Variants in IGSF9B observed in about 807,000 individuals in gnomAD.
IGSF9B encodes the protein immunoglobulin superfamily member 9B, also known as protein turtle homolog B.
IGSF9B carries 48 observed loss-of-function variants against 143.7 expected under a neutral mutation model. That is an observed-to-expected ratio of 0.33 (90% CI 0.26 to 0.42). The LOEUF (loss-of-function observed/expected upper bound fraction) is 0.42, where lower values mean the gene tolerates loss of function less well. Ranked by LOEUF, IGSF9B falls within the 20% of genes least tolerant of loss-of-function variation. IGSF9B has a pLI of 1.00. For synonymous variants in IGSF9B, 903 were observed against 833.1 expected, an observed-to-expected ratio of 1.08 and a Z score of -1.44; for missense variants, 1,706 against 1,980.0, an observed-to-expected ratio of 0.86 and a Z score of 2.63.
At position 133,919,075 on chromosome 11, in the gene IGSF9B, C is replaced by T. The variant is rs537591777; in HGVS notation, c.3983+667G>A. On this transcript the variant is annotated intron_variant, in intron 18 of 19. Coordinates refer to ENST00000533871, the MANE Select transcript of IGSF9B (RefSeq NM_001277285.4). ...AGAGTGCTCTCTCAGGCGGGCTGGT[C>T]GCGGGAGCTGGTCTGTCTCTCTGCA... 5 of 441,552 alleles carry T rather than the reference C, an allele frequency of 1.1e-5. No individual in the cohort carries two copies. The East Asian group carries it at 2.2e-4, about 19-fold the overall frequency. 27.4% of individuals were successfully genotyped at this position (441,552 alleles called of 1,614,324 possible).
intron 7 of IGSF9B, among the ~76,000 whole-genome samples, chr11:133,932,982 T>A (rs1167191911): frequency 1.0e-5 from 1 of 99,174 alleles, no homozygotes; most frequent in African/African-American, 4.0e-5. Flanking sequence ...GGAAGCCAGG[T>A]GGGAGAGCAG....
At chr11:133,918,957 G>A (rs1939449629) in intron 18 of IGSF9B, 3 of 467,912 alleles carry the variant, frequency 6.4e-6, no homozygotes, top group African/African-American at 2.0e-5. Context: ...GGGGGAGGAG[G>A]AGCGGGGACG....
rs545987304 is a variant in IGSF9B at position 133,937,622 on chromosome 11, C to G, written c.562-129G>C. On this transcript the variant is annotated intron_variant, in intron 4 of 19. Transcript: ENST00000533871. ...CAGGGACAGATGCATCTGGGGGACA[C>G]GAAGGGCAGGTGCCCCCTTGCCCAT... is the stretch of plus-strand genomic sequence containing the variant. 27 of 994,154 alleles carry G rather than the reference C, an allele frequency of 2.7e-5. 1 individual carries two copies. Among genetic ancestry groups the G allele is most frequent in the Non-Finnish European group, 3.0e-6 (2 of 671,052 alleles). The allele number at this position is 994,154 out of a possible 1,614,324, so 61.6% of individuals were successfully genotyped here. A position where few individuals can be genotyped will look rare whatever the true frequency, so the allele number is the denominator to read the frequency against.
intron 1 of IGSF9B, among the ~76,000 whole-genome samples, chr11:133,955,166 G>C (rs964271512): frequency 6.6e-6 from 1 of 152,074 alleles, no homozygotes; most frequent in Non-Finnish European, 1.5e-5. Flanking sequence ...ATTGGAAGAC[G>C]GCAAGGAAAT....
At chr11:133,917,694 C>A (rs2121281254) in intron 18 of IGSF9B, among the ~76,000 whole-genome samples, 1 of 152,232 alleles carries the variant, frequency 6.6e-6, no homozygotes, top group African/African-American at 2.4e-5. Context: ...ACCCCACTGT[C>A]AAGGAAGAAG....
rs751175353 is a variant in IGSF9B, at chr11:133,938,074, CAAAG to C, written c.410-117_410-114del. On this transcript the variant is annotated intron_variant, in intron 3 of 19. Transcript: ENST00000533871. ...GCTGCGGCTCTGCGGAATGCAAGGACAAAGGAAGGAAGGTGGGGATGGGAAAAAC... is the reference window on the plus strand; with the variant it reads ...GCTGCGGCTCTGCGGAATGCAAGGACGAAGGAAGGTGGGGATGGGAAAAAC... 2.5e-4 allele frequency: 306 copies of C among 1,213,046 alleles called. 1 individual carries two copies. The highest frequency in any genetic ancestry group is 3.4e-4 in the Non-Finnish European group (293 of 869,348). The allele number at this position is 1,213,046 out of a possible 1,614,324, so 75.1% of individuals were successfully genotyped here.
rs1253013756 is a variant in IGSF9B at position 133,940,218 on chromosome 11, A to C, written c.410-2257T>G. Among the ~76,000 whole-genome samples the C allele has an allele frequency of 1.9e-4, 24 of 128,758 alleles. No homozygotes were observed. The Admixed American group carries it at 2.0e-3, about 11-fold the overall frequency. The allele number at this position is 128,758 out of a possible 152,430, so 84.5% of individuals were successfully genotyped here. Reference sequence around the variant, plus strand: ...AAACACACACCTCGCACATCCTCGCACGCGTCATCGCACGCAAAAACACAC... The same window carrying C: ...AAACACACACCTCGCACATCCTCGCCCGCGTCATCGCACGCAAAAACACAC... On this transcript the variant is annotated intron_variant, in intron 3 of 19. Coordinates refer to ENST00000533871, the MANE Select transcript of IGSF9B (RefSeq NM_001277285.4).
At chr11:133,932,375 C>CGGGG (rs1565436967) in intron 7 of IGSF9B, among the ~76,000 whole-genome samples, 162 bp from the exon 8 acceptor site, 2 of 128,974 alleles carry the variant, frequency 1.6e-5, no homozygotes, top group Admixed American at 1.6e-4. Context: ...CAGACAGACA[C>CGGGG]GGGGACAGAC....
Position 133,911,936 on chromosome 11 carries a change from T to C in IGSF9B, c.4055A>G (p.Lys1352Arg), listed in dbSNP as rs1037802440. The change falls in exon 19 of 20, where the codon AAG (lysine) becomes AGG (arginine). Residue 1352 changes from lysine to arginine, a missense_variant. Physicochemically the swap from Lys to Arg is conservative, Grantham distance 26. Transcript: ENST00000533871. ...RLEALKYQRI[K>R]KPKKSSKGSS... is the part of the protein sequence containing the mutation. ...GCCCTTGGATGACTTTTTGGGCTTC[T>C]TTATCCGTTGGTATTTCAGAGCCTC... 11 of 1,535,020 alleles carry C rather than the reference T, an allele frequency of 7.2e-6. No homozygotes were observed. In the African/African-American group the frequency reaches 8.2e-5, roughly 11 times the overall value.
Position 133,908,130 on chromosome 11 carries a change from C to T in IGSF9B, c.*939G>A, listed in dbSNP as rs148293321. On this transcript the variant is annotated 3_prime_UTR_variant, in exon 20 of 20. Transcript: ENST00000533871. Reference sequence around the variant, plus strand: ...CCACAGAGCTCACGGCCTGGCTGGGCGGAAGGGCGCCGACGGATGCGCTGG... The same window carrying T: ...CCACAGAGCTCACGGCCTGGCTGGGTGGAAGGGCGCCGACGGATGCGCTGG... 3.9e-3 allele frequency among the ~76,000 whole-genome samples: 599 copies of T among 152,266 alleles called. 6 individuals carry two copies. The highest frequency in any genetic ancestry group is 5.2e-3 in the Non-Finnish European group (352 of 68,010).
chr11:133,955,181 G>A (rs1354782984), intron 1 of IGSF9B, among the ~76,000 whole-genome samples: 4 of 152,144 alleles, frequency 2.6e-5, no homozygotes, highest in Admixed American at 6.5e-5. Context: ...GGAAATGGGG[G>A]AGAGGATGAG....
chr11:133,907,931 G>A lies in IGSF9B; in HGVS notation c.*1138C>T, dbSNP rs930741160. Among the ~76,000 whole-genome samples, 110 of 152,338 alleles carry A rather than the reference G, an allele frequency of 7.2e-4. No individual in the cohort carries two copies. Among genetic ancestry groups the A allele is most frequent in the African/African-American group, 2.6e-3 (107 of 41,570 alleles). On this transcript the variant is annotated 3_prime_UTR_variant, in exon 20 of 20. Coordinates refer to ENST00000533871, the MANE Select transcript of IGSF9B (RefSeq NM_001277285.4). Reference sequence around the variant, plus strand: ...TGGTGAGTGCGGGAAAGCCACAGGCGGCTCCGCACAAGTGGTAATTAATCA... The same window carrying A: ...TGGTGAGTGCGGGAAAGCCACAGGCAGCTCCGCACAAGTGGTAATTAATCA...
intron 2 of IGSF9B, 36 bp from the exon 3 acceptor site, chr11:133,944,402 A>G (rs941631211): frequency 1.2e-6 from 2 of 1,609,594 alleles, no homozygotes; most frequent in East Asian, 2.2e-5. Flanking sequence ...CCCACAGGCC[A>G]TCAGGTAAGG....
At position 133,948,835 on chromosome 11, in the gene IGSF9B, G is replaced by T. The variant is rs1479913222; in HGVS notation, c.65-2577C>A. Reference sequence around the variant, plus strand: ...GGAACAGAGGCCTAGGGGGACAGCAGGCACCTCCAACAGTGGAGTTTGCTC... The same window carrying T: ...GGAACAGAGGCCTAGGGGGACAGCATGCACCTCCAACAGTGGAGTTTGCTC... On this transcript the variant is annotated intron_variant, in intron 1 of 19. Coordinates refer to ENST00000533871, the MANE Select transcript of IGSF9B (RefSeq NM_001277285.4). This position sits in a 1 kb window ranked among gnomAD's most constrained non-coding sequence, Gnocchi z 4.7. Among the ~76,000 whole-genome samples the T allele has an allele frequency of 3.9e-5, 6 of 152,202 alleles. No individual in the cohort carries two copies. In the East Asian group the frequency reaches 1.2e-3, roughly 29 times the overall value.
rs1225320334 is a variant in IGSF9B at position 133,904,052 on chromosome 11, T to C, written c.*5017A>G. Among the ~76,000 whole-genome samples the C allele has an allele frequency of 2.0e-5, 3 of 152,112 alleles. No individual in the cohort carries two copies. Among genetic ancestry groups the C allele is most frequent in the African/African-American group, 7.2e-5 (3 of 41,418 alleles). Reference sequence around the variant, plus strand: ...TTGCCCTCCCACCTCCACCACAGACTAGTGACTTTAGCCTATCAAAAGAAG... The same window carrying C: ...TTGCCCTCCCACCTCCACCACAGACCAGTGACTTTAGCCTATCAAAAGAAG... On this transcript the variant is annotated 3_prime_UTR_variant, in exon 20 of 20. Transcript: ENST00000533871.
At position 133,906,664 on chromosome 11, in the gene IGSF9B, T is replaced by C. The variant is rs1251595026; in HGVS notation, c.*2405A>G. On this transcript the variant is annotated 3_prime_UTR_variant, in exon 20 of 20. Transcript: ENST00000533871. ...GACATCCGAAAGAAGCAAAGCCTTCTACCTCATCATCTCCTCTTCTTTTCT... is the reference window on the plus strand; with the variant it reads ...GACATCCGAAAGAAGCAAAGCCTTCCACCTCATCATCTCCTCTTCTTTTCT... Among the ~76,000 whole-genome samples the C allele has an allele frequency of 6.6e-6, 1 of 152,214 alleles. No individual in the cohort carries two copies. Among genetic ancestry groups the C allele is most frequent in the Non-Finnish European group, 1.5e-5 (1 of 68,036 alleles).
chr11:133,946,804 A>T (rs912089250), intron 1 of IGSF9B, among the ~76,000 whole-genome samples: 4 of 152,090 alleles, frequency 2.6e-5, no homozygotes, highest in African/African-American at 9.7e-5. Flanking sequence ...TGTGCATGGC[A>T]CAAAACAAGG....
In IGSF9B at chr11:133,949,852, T is replaced by C. The variant is rs2121346329; in HGVS notation, c.65-3594A>G. Among the ~76,000 whole-genome samples, 2 of 152,188 alleles carry C rather than the reference T, an allele frequency of 1.3e-5. 1 individual carries two copies. The highest frequency in any genetic ancestry group is 3.9e-4 in the East Asian group (2 of 5,166). ...CCCCCTCAAAGGGGGAAAACCAGCA[T>C]TGTCAGGAGTGGGCACAGGGAAAGG... On this transcript the variant is annotated intron_variant, in intron 1 of 19. Coordinates refer to ENST00000533871, the MANE Select transcript of IGSF9B (RefSeq NM_001277285.4).
intron 12 of IGSF9B, among the ~76,000 whole-genome samples, chr11:133,927,498 C>T (rs1232094736): frequency 6.6e-6 from 1 of 152,180 alleles, no homozygotes; most frequent in Non-Finnish European, 1.5e-5. Context: ...AGCCCAGGAC[C>T]TGGCTGCACA....
Sources: allele counts gnomAD v4.1 joint callset (sites outside exome capture counted in the v4.1 genomes callset), GRCh38; gene constraint gnomAD v4.1.1; non-coding constraint Gnocchi (gnomAD v3.1); transcripts MANE v1.5; gene names NCBI Gene and HGNC (gene_info 2026-07-23, HGNC 2026-07-21).